The following COL10A1 variants were observed in gnomAD, a reference collection of about 807,000 sequenced individuals.
COL10A1 encodes collagen alpha-1(X) chain.
COL10A1 carries 10 observed loss-of-function variants against 18.2 expected under a neutral mutation model. The ratio of observed to expected loss-of-function variants is 0.55; its 90% CI spans 0.34 to 0.93. COL10A1 has a LOEUF of 0.93. Ranked by LOEUF, COL10A1 falls within the 40% of genes least tolerant of loss-of-function variation. The pLI, the probability that COL10A1 is intolerant of heterozygous loss-of-function variation, is 0.02. For missense variants in COL10A1, 897 were observed against 853.5 expected, an observed-to-expected ratio of 1.05 and a Z score of -0.64; for synonymous variants, 330 against 316.6, an observed-to-expected ratio of 1.04 and a Z score of -0.45.
chr6:116,173,681 AT>A, the COL10A1 span, among the ~76,000 whole-genome samples: 1 of 152,092 alleles, frequency 6.6e-6, no homozygotes, highest in South Asian at 2.1e-4. Context: ...TTATTTATTT[AT>A]TTTTTTGGTT....
chr6:116,154,119 G>C (rs1344382921), intron 1 of COL10A1, among the ~76,000 whole-genome samples: 1 of 150,302 alleles, frequency 6.7e-6, no homozygotes, highest in Non-Finnish European at 1.5e-5. Context: ...TCTCAAATCA[G>C]CATTGATTTG....
chr6:116,142,250 A>G (rs1048429064), intron 1 of COL10A1, among the ~76,000 whole-genome samples: 6 of 152,034 alleles, frequency 3.9e-5, no homozygotes, highest in Non-Finnish European at 5.9e-5. Flanking sequence ...AAAAGACAAA[A>G]CACCATAAAC....
Position 116,124,851 on chromosome 6 carries a change from T to C in COL10A1, c.154+488A>G, listed in dbSNP as rs183489871. The stretch of plus-strand genomic sequence containing the variant: ...TCTCATAATTACATTTGTTCATTGT[T>C]GGGGGGGAGGCCATCAGATTTTTTT... On this transcript the variant is annotated intron_variant, in intron 2 of 2. Transcript: ENST00000651968. Among the ~76,000 whole-genome samples the C allele has an allele frequency of 4.3e-3, 660 of 152,294 alleles. 6 individuals carry two copies. The Middle Eastern group carries it at 0.054, about 13-fold the overall frequency.
chr6:116,203,969 A>G, the COL10A1 span, among the ~76,000 whole-genome samples: 2 of 151,892 alleles, frequency 1.3e-5, no homozygotes, highest in Admixed American at 6.6e-5. Flanking sequence ...ATGCCCTGAC[A>G]CACACACGGT....
At chr6:116,201,352 ATTG>A in the COL10A1 span, among the ~76,000 whole-genome samples, 2 of 151,986 alleles carry the variant, frequency 1.3e-5, no homozygotes, top group Non-Finnish European at 2.9e-5. Flanking sequence ...TTCTGGGCAT[ATTG>A]CACTGTATAA....
At chr6:116,166,214 G>C in the COL10A1 span, among the ~76,000 whole-genome samples, 9 of 152,126 alleles carry the variant, frequency 5.9e-5, no homozygotes, top group Admixed American at 2.6e-4. Flanking sequence ...ACATCAACCA[G>C]TGGGGTCTCC....
In COL10A1 at chr6:116,121,134, C is replaced by T. The variant is rs762743318; in HGVS notation, c.982G>A (p.Ala328Thr). 2 of 1,613,536 alleles carry T rather than the reference C, an allele frequency of 1.2e-6. No homozygotes were observed. Among genetic ancestry groups the T allele is most frequent in the Non-Finnish European group, 1.7e-6 (2 of 1,179,732 alleles). Reference protein sequence around the residue: ...GPGAKGEQGPAGLPGKPGLTG... With the variant: ...GPGAKGEQGPTGLPGKPGLTG... ...AGACCTGGCTTCCCAGGAAGACCTG[C>T]TGGCCCTTGTTCCCCTTTGGCACCT... Residue 328 changes from alanine to threonine, a missense_variant, in exon 3 of 3, where the codon GCA becomes ACA. By Grantham distance (58) the Ala-to-Thr change is moderately conservative. Coordinates refer to ENST00000651968, the MANE Select transcript of COL10A1 (RefSeq NM_000493.4).
At chr6:116,209,774 G>A in the COL10A1 span, among the ~76,000 whole-genome samples, 1 of 151,842 alleles carries the variant, frequency 6.6e-6, no homozygotes, top group Non-Finnish European at 1.5e-5. Context: ...AAGAACTTCT[G>A]CAGAAATCCT....
chr6:116,176,014 T>TG, the COL10A1 span, among the ~76,000 whole-genome samples: 1 of 152,194 alleles, frequency 6.6e-6, no homozygotes, highest in African/African-American at 2.4e-5. Flanking sequence ...TGCTGGACAT[T>TG]GTGTGAACAT....
intron 1 of COL10A1, among the ~76,000 whole-genome samples, chr6:116,135,874 C>T (rs484982): frequency 0.18 from 9,261 of 52,820 alleles, 505 homozygotes; most frequent in African/African-American, 0.26. Context: ...TATATATATA[C>T]ACACATACAC....
chr6:116,133,923 T>C (rs1779527392), intron 1 of COL10A1, among the ~76,000 whole-genome samples: 1 of 152,214 alleles, frequency 6.6e-6, no homozygotes, highest in Admixed American at 6.6e-5. Context: ...CCATTAATAG[T>C]GGTTTTTTTC....
intron 1 of COL10A1, chr6:116,137,065 A>C (rs1779625892): frequency 4.8e-6 from 1 of 208,414 alleles, no homozygotes; most frequent in Non-Finnish European, 1.1e-5. Context: ...ATTTTAAGTC[A>C]CCGTCTCTTC....
At chr6:116,163,656 A>G (rs1312098064), upstream of COL10A1, among the ~76,000 whole-genome samples, 1 of 151,948 alleles carries the variant, frequency 6.6e-6, no homozygotes, top group African/African-American at 2.4e-5. Flanking sequence ...TACTTCTGCT[A>G]GTTTTGGGTT....
chr6:116,195,434 A>G, the COL10A1 span, among the ~76,000 whole-genome samples: 1 of 151,966 alleles, frequency 6.6e-6, no homozygotes, highest in Non-Finnish European at 1.5e-5. Flanking sequence ...AGGTCATAGT[A>G]GTTTACCAGA....
the COL10A1 span, among the ~76,000 whole-genome samples, chr6:116,210,349 G>T: frequency 6.6e-6 from 1 of 150,428 alleles, no homozygotes; most frequent in East Asian, 2.0e-4. Context: ...CCCCTGAAAT[G>T]TAATAATGTA....
upstream of COL10A1, among the ~76,000 whole-genome samples, chr6:116,160,154 G>T (rs1486889083): frequency 6.6e-6 from 1 of 151,862 alleles, no homozygotes; most frequent in East Asian, 1.9e-4. Context: ...CTGGATCAAA[G>T]GGTAGTTCTA....
At chr6:116,204,069 G>T in the COL10A1 span, among the ~76,000 whole-genome samples, 1 of 151,836 alleles carries the variant, frequency 6.6e-6, no homozygotes, top group South Asian at 2.1e-4. Context: ...CTCACTTTGG[G>T]CAGTATAATT....
At chr6:116,161,894 A>G (rs149084131), upstream of COL10A1, among the ~76,000 whole-genome samples, 9 of 152,206 alleles carry the variant, frequency 5.9e-5, no homozygotes, top group East Asian at 3.9e-4. Flanking sequence ...TGTGTCATCT[A>G]CAGTTTCATT....
chr6:116,216,133 A>G, the COL10A1 span, among the ~76,000 whole-genome samples: 4 of 152,122 alleles, frequency 2.6e-5, no homozygotes, highest in Non-Finnish European at 5.9e-5. Context: ...TTTAAAGATC[A>G]TCAACCACAA....
Sources: gnomAD v4.1 joint callset for allele counts (sites outside exome capture counted in the v4.1 genomes callset) on GRCh38, gnomAD v4.1.1 for gene constraint, MANE v1.5 for transcripts, NCBI Gene and HGNC (gene_info 2026-07-23, HGNC 2026-07-21) for gene names.